Variants in PKHD1 observed in about 807,000 individuals in gnomAD.
The protein encoded by PKHD1 is PKHD1 ciliary IPT domain containing fibrocystin/polyductin.
PKHD1 carries 291 observed loss-of-function variants against 412.0 expected under a neutral mutation model. That is an observed-to-expected ratio of 0.71 (90% CI 0.64 to 0.78). PKHD1 has a LOEUF of 0.78. PKHD1 is among the 30% of genes least tolerant of loss of function. The pLI, the probability that PKHD1 is intolerant of heterozygous loss-of-function variation, is 0.00. For synonymous variants in PKHD1, 1,777 were observed against 1,821.5 expected (o/e 0.98, Z 0.62); for missense variants, 4,825 against 4,950.7 (o/e 0.97, Z 0.76).
intron 12 of PKHD1, 95 bp from the exon 13 acceptor site, chr6:52,065,145 A>G: frequency 1.6e-5 from 1 of 61,870 alleles, no homozygotes; most frequent in South Asian, 5.0e-4. Context: ...ATATATATAT[A>G]TATATATATA....
At position 51,804,359 on chromosome 6, in the gene PKHD1, T is replaced by TGGGGGG. The variant is rs147210503; in HGVS notation, c.8303-12992_8303-12987dup. Reference sequence around the variant, plus strand: ...ACTAAGTAGAGAAATACTAATTCATTGGGGGGGGGGGGGGCGGTAACAGGA... The same window carrying TGGGGGG: ...ACTAAGTAGAGAAATACTAATTCATTGGGGGGGGGGGGGGGGGGGGCGGTAACAGGA... On this transcript the variant is annotated intron_variant, in intron 52 of 66. Coordinates refer to ENST00000371117, the MANE Select transcript of PKHD1 (RefSeq NM_138694.4). Among the ~76,000 whole-genome samples the TGGGGGG allele has an allele frequency of 6.3e-5, 2 of 31,862 alleles. 1 individual carries two copies. The highest frequency in any genetic ancestry group is 4.1e-3 in the South Asian group (2 of 486). 20.9% of individuals were successfully genotyped at this position (31,862 alleles called of 152,430 possible). A position where few individuals can be genotyped will look rare whatever the true frequency, so the allele number is the denominator to read the frequency against.
In PKHD1 at chr6:52,076,657, AG is replaced by A. The variant is rs1402742595; in HGVS notation, c.391-325del. 3.3e-5 allele frequency among the ~76,000 whole-genome samples: 5 copies of A among 152,322 alleles called. No individual in the cohort carries two copies. In the South Asian group the frequency reaches 8.3e-4, roughly 25 times the overall value. ...TCCATACCCAAGAACACATTTTACT[AG>A]AAGGAAAGGTAGACAGGTCTTTGTG... On this transcript the variant is annotated intron_variant, in intron 5 of 66. Coordinates refer to ENST00000371117, the MANE Select transcript of PKHD1 (RefSeq NM_138694.4).
chr6:51,850,628 C>T (rs905734657), intron 49 of PKHD1, among the ~76,000 whole-genome samples: 3 of 152,090 alleles, frequency 2.0e-5, no homozygotes, highest in African/African-American at 7.2e-5. Context: ...TAGCTGTATA[C>T]GTAGGTATTT....
intron 60 of PKHD1, among the ~76,000 whole-genome samples, chr6:51,696,178 T>A (rs2150669757): frequency 6.6e-6 from 1 of 152,310 alleles, no homozygotes; most frequent in South Asian, 2.1e-4. Context: ...GTGCTGTGGT[T>A]TTTAGAAAAG....
In PKHD1 at chr6:51,681,759, T is replaced by C. The variant is rs542721520; in HGVS notation, c.10157-21790A>G. Among the ~76,000 whole-genome samples the C allele has an allele frequency of 1.2e-4, 18 of 152,192 alleles. No individual in the cohort carries two copies. In the East Asian group the frequency reaches 3.1e-3, roughly 26 times the overall value. On this transcript the variant is annotated intron_variant, in intron 60 of 66. Transcript: ENST00000371117. ...CAGGCCAAATCAGGCCCACTGGCTATTGTTATAAACAAAATTTTATTGGAA... is the reference window on the plus strand; with the variant it reads ...CAGGCCAAATCAGGCCCACTGGCTACTGTTATAAACAAAATTTTATTGGAA...
rs535677408 is a variant in PKHD1, at chr6:51,948,565, A to G, written c.5908+11305T>C. Among the ~76,000 whole-genome samples the G allele has an allele frequency of 3.9e-4, 59 of 152,352 alleles. 1 individual carries two copies. The highest frequency in any genetic ancestry group is 1.3e-3 in the African/African-American group (55 of 41,584). On this transcript the variant is annotated intron_variant, in intron 36 of 66. Transcript: ENST00000371117. Reference sequence around the variant, plus strand: ...GACTGTTTTCCTTCTAGAAGTAAACACCATGAGAGCAAGATTTTGGCCTGT... The same window carrying G: ...GACTGTTTTCCTTCTAGAAGTAAACGCCATGAGAGCAAGATTTTGGCCTGT...
chr6:51,861,383 T>C (rs1197757288), intron 48 of PKHD1, among the ~76,000 whole-genome samples: 1 of 152,204 alleles, frequency 6.6e-6, no homozygotes, highest in East Asian at 1.9e-4. Flanking sequence ...AAGACAAGCA[T>C]TGCACAGAGC....
chr6:51,749,169 G>C (rs768691378), intron 57 of PKHD1, among the ~76,000 whole-genome samples: 1 of 152,154 alleles, frequency 6.6e-6, no homozygotes, highest in Non-Finnish European at 1.5e-5. Context: ...CTTCTGCTCA[G>C]TTGATGTCCA....
chr6:51,771,557 C>T (rs12664044), intron 55 of PKHD1, among the ~76,000 whole-genome samples: 1 of 151,018 alleles, frequency 6.6e-6, no homozygotes, highest in East Asian at 2.0e-4. Flanking sequence ...AGGTGGAGAT[C>T]GCAATGAGCC....
chr6:52,083,853 T>C (rs1352162802), intron 2 of PKHD1, among the ~76,000 whole-genome samples: 1 of 152,128 alleles, frequency 6.6e-6, no homozygotes, highest in Non-Finnish European at 1.5e-5. Context: ...CTTAATATAC[T>C]AGTTTTCCCT....
intron 37 of PKHD1, among the ~76,000 whole-genome samples, chr6:51,925,048 A>C (rs1347278446): frequency 6.6e-6 from 1 of 152,198 alleles, no homozygotes; most frequent in Admixed American, 6.5e-5. Flanking sequence ...TAGCTAGTTC[A>C]CGGTAGAGAT....
chr6:51,902,928 C>A (rs1017994545), intron 43 of PKHD1, among the ~76,000 whole-genome samples: 1 of 152,150 alleles, frequency 6.6e-6, no homozygotes, highest in East Asian at 1.9e-4. Context: ...ACCTTATACA[C>A]CTCATGTCTC....
At chr6:51,741,106 A>C (rs1384119218) in intron 60 of PKHD1, 1 of 518,990 alleles carries the variant, frequency 1.9e-6, no homozygotes. Flanking sequence ...TAAAGAACTG[A>C]GAAAAAGCAA....
rs376530749 is a variant in PKHD1 at position 52,022,401 on chromosome 6, G to C, written c.5380+400C>G. Among the ~76,000 whole-genome samples the C allele has an allele frequency of 1.6e-4, 25 of 152,156 alleles. 1 individual carries two copies. The East Asian group carries it at 4.1e-3, about 25-fold the overall frequency. On this transcript the variant is annotated intron_variant, in intron 33 of 66. Coordinates refer to ENST00000371117, the MANE Select transcript of PKHD1 (RefSeq NM_138694.4). The stretch of plus-strand genomic sequence containing the variant: ...CTTGAAAATCTCCATCCCTTTACTG[G>C]TACCTCCAATAAGCAGATGTCTTCA...
intron 65 of PKHD1, among the ~76,000 whole-genome samples, chr6:51,628,377 C>G (rs1296716311): frequency 1.3e-5 from 2 of 152,156 alleles, no homozygotes; most frequent in Non-Finnish European, 2.9e-5. Context: ...TGTCCTCCAG[C>G]CACATCAATG....
chr6:52,071,012 A>G lies in PKHD1; in HGVS notation c.661T>C (p.Tyr221His). 6.3e-7 allele frequency: 1 copy of G among 1,590,120 alleles called. No homozygotes were observed. Among genetic ancestry groups the G allele is most frequent in the Non-Finnish European group, 8.6e-7 (1 of 1,158,222 alleles). ...GTLQCHVEGD[Y>H]IGSQNVSFSV... is the part of the protein sequence containing the mutation. ...TGTTACTTCTCTAACAGACCGATGT[A>G]GTCGCCTTCCACATGGCACTGCAGA... Residue 221 changes from tyrosine (Y) to histidine (H), a missense_variant, in exon 9 of 67, where the codon TAC (tyrosine) becomes CAC (histidine). Transcript: ENST00000371117.
intron 60 of PKHD1, among the ~76,000 whole-genome samples, chr6:51,742,374 G>A (rs1180771327): frequency 6.6e-6 from 1 of 152,080 alleles, no homozygotes; most frequent in South Asian, 2.1e-4. Context: ...ATGTTAAAAA[G>A]TATAAATATT....
chr6:51,864,606 G>T (rs1220141300), intron 48 of PKHD1, among the ~76,000 whole-genome samples: 5 of 152,132 alleles, frequency 3.3e-5, no homozygotes, highest in Non-Finnish European at 5.9e-5. Flanking sequence ...TGAGCACCCA[G>T]AGAGAAACAG....
Position 51,912,916 on chromosome 6 carries a change from C to A in PKHD1, c.6122-340G>T, listed in dbSNP as rs1783192705. On this transcript the variant is annotated intron_variant, in intron 37 of 66. Transcript: ENST00000371117. The stretch of plus-strand genomic sequence containing the variant: ...TAACCCTATTCTTTAGGGTAATAAA[C>A]TTGATGAATGGGCTTCAGTTTCCTC... 2.6e-5 allele frequency among the ~76,000 whole-genome samples: 4 copies of A among 152,022 alleles called. No homozygotes were observed. In the South Asian group the frequency reaches 8.3e-4, roughly 31 times the overall value.
Sources: allele counts gnomAD v4.1 joint callset (sites outside exome capture counted in the v4.1 genomes callset), GRCh38; gene constraint gnomAD v4.1.1; transcripts MANE v1.5; gene names NCBI Gene and HGNC (gene_info 2026-07-23, HGNC 2026-07-21).